MTO1: variants seen among roughly 807,000 people sequenced by gnomAD.
MTO1 encodes the protein 5-taurinomethyluridine-[tRNA] synthase subunit MTO1, mitochondrial.
A neutral mutation model predicts 71.6 loss-of-function variants in MTO1; 46 were observed. That is an observed-to-expected ratio of 0.64 (90% CI 0.51 to 0.82). MTO1 has a LOEUF of 0.82. MTO1 is among the 40% of genes least tolerant of loss of function. The pLI is 0.00. For missense variants in MTO1, 773 were observed against 867.5 expected (o/e 0.89, Z 1.37); for synonymous variants, 297 against 312.1 (o/e 0.95, Z 0.51).
At chr6:73,486,594 C>A (rs1417884830) in intron 9 of MTO1, 1 of 437,034 alleles carries the variant, frequency 2.3e-6, no homozygotes, top group African/African-American at 2.0e-5. Flanking sequence ...CACAAATTTT[C>A]CAGGCGTGGT....
rs540928248 is a variant in MTO1 at position 73,497,870 on chromosome 6, A to G, written c.1891A>G (p.Lys631Glu). 6.2e-7 allele frequency: 1 copy of G among 1,612,794 alleles called. No individual in the cohort carries two copies. The highest frequency in any genetic ancestry group is 1.1e-5 in the South Asian group (1 of 90,964). The change falls in exon 11 of 12, where the codon AAA becomes GAA. Residue 631 changes from lysine to glutamate, a missense_variant. Coordinates refer to ENST00000498286, the MANE Select transcript of MTO1 (RefSeq NM_012123.4). ...GTCTTTGTCCCATGAAGTTCGAGAG[A>G]AACTACATTTTAGTCGTCCACAGAC... ...DVSLSHEVRE[K>E]LHFSRPQTIG...
At chr6:73,462,354 A>T in intron 1 of MTO1, 1 of 376,896 alleles carries the variant, frequency 2.7e-6, no homozygotes, top group Non-Finnish European at 4.7e-6. Context: ...GCTACCAACT[A>T]CTCGCTGGTA....
chr6:73,469,330 AAATGAGGC>A (rs1771081026), intron 3 of MTO1, among the ~76,000 whole-genome samples: 1 of 151,264 alleles, frequency 6.6e-6, no homozygotes, highest in South Asian at 2.1e-4. Context: ...TTACATTTTT[AAATGAGGC>A]ACTAGGTCGG....
rs1226870444 is a variant in MTO1 at position 73,497,732 on chromosome 6, C to T, written c.1757-4C>T. The stretch of plus-strand genomic sequence containing the variant: ...TATAACATGATTCTGATTTTGTTGA[C>T]CAGCCACTTATGAATCAGTGTTGTT... On this transcript the variant is annotated splice_region_variant and splice_polypyrimidine_tract_variant and intron_variant, in intron 10 of 11. Transcript: ENST00000498286. 1 of 1,607,746 alleles carries T rather than the reference C, an allele frequency of 6.2e-7. No individual in the cohort carries two copies. Among genetic ancestry groups the T allele is most frequent in the East Asian group, 2.2e-5 (1 of 44,724 alleles).
chr6:73,480,593 A>G, intron 6 of MTO1, 82 bp from the exon 7 acceptor site: 2 of 1,532,434 alleles, frequency 1.3e-6, no homozygotes, highest in Non-Finnish European at 1.8e-6. Flanking sequence ...TTTAAAGGGC[A>G]TTTAAGGGTA....
intron 11 of MTO1, 36 bp downstream of exon 11, chr6:73,497,932 A>C: frequency 6.4e-6 from 10 of 1,564,498 alleles, no homozygotes; most frequent in Non-Finnish European, 8.7e-6. Flanking sequence ...AACAAGTTAT[A>C]GATAAAGATA....
chr6:73,478,358 T>A (rs1026086893), intron 4 of MTO1, among the ~76,000 whole-genome samples: 14 of 151,782 alleles, frequency 9.2e-5, no homozygotes, highest in Admixed American at 9.2e-4. Context: ...GGTAGGAGGA[T>A]CACTTAAGCC....
At chr6:73,488,240 C>T (rs1203405427) in intron 9 of MTO1, among the ~76,000 whole-genome samples, 1 of 152,064 alleles carries the variant, frequency 6.6e-6, no homozygotes, top group Non-Finnish European at 1.5e-5. Flanking sequence ...GTGGTACAAT[C>T]ATAGCTCACT....
Position 73,482,577 on chromosome 6 carries a change from A to G in MTO1, c.1594A>G (p.Ile532Val), listed in dbSNP as rs1327925744. 3.1e-6 allele frequency: 5 copies of G among 1,611,532 alleles called. No individual in the cohort carries two copies. In the African/African-American group the frequency reaches 5.3e-5, roughly 17 times the overall value. ...TTTGAGCTCTAAATGGAAAAAATTA[A>G]TCCCAGAGGCTTCTATAAGTACTAG... ...EFLSSKWKKL[I>V]PEASISTSRS... Residue 532 changes from isoleucine to valine, a missense_variant, in exon 9 of 12, where the codon ATC (isoleucine) becomes GTC (valine). Coordinates refer to ENST00000498286, the MANE Select transcript of MTO1 (RefSeq NM_012123.4).
chr6:73,485,779 A>G (rs1771636211), intron 9 of MTO1, among the ~76,000 whole-genome samples: 2 of 152,174 alleles, frequency 1.3e-5, no homozygotes, highest in South Asian at 4.1e-4. Context: ...CAATGCCCAG[A>G]CATATAAAGC....
Position 73,482,521 on chromosome 6 carries a change from A to T in MTO1, c.1538A>T (p.Glu513Val). 2 of 1,613,150 alleles carry T rather than the reference A, an allele frequency of 1.2e-6. No individual in the cohort carries two copies. The highest frequency in any genetic ancestry group is 1.7e-6 in the Non-Finnish European group (2 of 1,179,826). The change falls in exon 9 of 12, where the codon GAA becomes GTA. Residue 513 changes from glutamate (E) to valine (V), a missense_variant. Glu to Val is a moderately radical substitution (Grantham distance 121, BLOSUM62 -2). Transcript: ENST00000498286. ...RACWMKSSLE[E>V]GISVLKSIEF... ...TGTTGGATGAAGTCTTCTTTAGAAG[A>T]AGGCATTTCTGTGTTGAAATCTATT...
At chr6:73,471,160 TA>T (rs201183644) in intron 3 of MTO1, among the ~76,000 whole-genome samples, 6 of 147,962 alleles carry the variant, frequency 4.1e-5, no homozygotes, top group African/African-American at 7.4e-5. Context: ...TACCTTTTTT[TA>T]AAAAAAAAAC....
Position 73,482,822 on chromosome 6 carries a change from C to A in MTO1, c.1637+202C>A, listed in dbSNP as rs12661226. On this transcript the variant is annotated intron_variant, in intron 9 of 11. Coordinates refer to ENST00000498286, the MANE Select transcript of MTO1 (RefSeq NM_012123.4). ...TTTTTTTTTTTTTTTGAGACAGTCT[C>A]GCTCTTTCACCCAGGCCAGACTGCA... 0.36 allele frequency among the ~76,000 whole-genome samples: 45,564 copies of A among 125,360 alleles called. 7,914 individuals are homozygous for A. Among genetic ancestry groups the A allele is most frequent in the South Asian group, 0.52 (2,006 of 3,892 alleles). The allele number at this position is 125,360 out of a possible 152,430, so 82.2% of individuals were successfully genotyped here.
chr6:73,496,844 GGAGTTC>G (rs1215898262), intron 10 of MTO1, among the ~76,000 whole-genome samples: 1 of 151,912 alleles, frequency 6.6e-6, no homozygotes, highest in Non-Finnish European at 1.5e-5. Flanking sequence ...CATGAGGTCA[GGAGTTC>G]GAGACCAGCC....
At chr6:73,466,110 T>C (rs1474826848) in intron 1 of MTO1, 99 bp from the exon 2 acceptor site, 5 of 1,066,224 alleles carry the variant, frequency 4.7e-6, no homozygotes, top group East Asian at 2.4e-5. Flanking sequence ...TTTTATCATA[T>C]GAGATGATTA....
intron 4 of MTO1, among the ~76,000 whole-genome samples, chr6:73,478,361 C>G (rs1371548454): frequency 2.0e-5 from 3 of 151,898 alleles, no homozygotes; most frequent in African/African-American, 4.8e-5. Context: ...AGGAGGATCA[C>G]TTAAGCCTAG....
chr6:73,465,634 T>C (rs1048051238), intron 1 of MTO1, among the ~76,000 whole-genome samples: 2 of 152,042 alleles, frequency 1.3e-5, no homozygotes, highest in Non-Finnish European at 2.9e-5. Flanking sequence ...GGATTACATG[T>C]TTGAAAGGAA....
In MTO1 at chr6:73,480,969, GTTTTTTTTT is replaced by G. The variant is rs398001972; in HGVS notation, c.1260+180_1260+188del. The G allele has an allele frequency of 7.9e-3, 1,839 of 232,748 alleles. 40 individuals carry two copies. The highest frequency in any genetic ancestry group is 0.066 in the African/African-American group (1,654 of 25,120). The allele number at this position is 232,748 out of a possible 1,614,324, so 14.4% of individuals were successfully genotyped here. A position where few individuals can be genotyped will look rare whatever the true frequency, so the allele number is the denominator to read the frequency against. ...GGAGATGGCTTTTGTAGATAATAGGGTTTTTTTTTTTTTTTTTTTTTTTTGAGACAGAGT... is the reference window on the plus strand; with the variant it reads ...GGAGATGGCTTTTGTAGATAATAGGGTTTTTTTTTTTTTTTGAGACAGAGT... On this transcript the variant is annotated intron_variant, in intron 7 of 11. Coordinates refer to ENST00000498286, the MANE Select transcript of MTO1 (RefSeq NM_012123.4).
At chr6:73,500,486 A>G (rs773426612) in intron 11 of MTO1, 88 bp from the exon 12 acceptor site, 4 of 1,160,640 alleles carry the variant, frequency 3.4e-6, no homozygotes, top group Non-Finnish European at 4.8e-6. Context: ...TGTATAAACT[A>G]TACTATACAG....
Sources: allele counts gnomAD v4.1 joint callset (sites outside exome capture counted in the v4.1 genomes callset), GRCh38; gene constraint gnomAD v4.1.1; transcripts MANE v1.5; gene names NCBI Gene and HGNC (gene_info 2026-07-23, HGNC 2026-07-21).